The following BIRC6 variants were observed in gnomAD, a reference collection of about 807,000 sequenced individuals.
The protein encoded by BIRC6 is dual E2 ubiquitin-conjugating enzyme/E3 ubiquitin-protein ligase BIRC6.
BIRC6 carries 98 observed loss-of-function variants against 503.3 expected under a neutral mutation model. The ratio of observed to expected loss-of-function variants is 0.19; its 90% CI spans 0.17 to 0.23. The LOEUF is 0.23. Among genes scored for constraint, BIRC6 ranks in the 10% least tolerant of loss-of-function variants. The pLI, the probability that BIRC6 is intolerant of heterozygous loss-of-function variation, is 1.00. For synonymous variants in BIRC6, 2,240 were observed against 2,078.7 expected (o/e 1.08, Z -2.11); for missense variants, 5,360 against 5,806.0 (o/e 0.92, Z 2.50).
chr2:32,508,062 C>G lies in BIRC6; in HGVS notation c.9783C>G (p.Gly3261=), dbSNP rs1572694974. The stretch of plus-strand genomic sequence containing the variant: ...TGTCCACTCCTGTTGTCACAAGTGG[C>G]CTCACCTACATAAAAATTCAGCTTG... The part of the protein sequence containing the change: ...LPLSTPVVTS[G]LTYIKIQLVK... Residue 3261 remains glycine (G), a synonymous_variant, in exon 51 of 74, where the codon GGC becomes GGG. Coordinates refer to ENST00000421745, the MANE Select transcript of BIRC6 (RefSeq NM_016252.4). 1 of 1,613,822 alleles carries G rather than the reference C, an allele frequency of 6.2e-7. No homozygotes were observed. Among genetic ancestry groups the G allele is most frequent in the East Asian group, 2.2e-5 (1 of 44,864 alleles).
intron 32 of BIRC6, 56 bp downstream of exon 32, chr2:32,471,180 T>G: frequency 1.3e-6 from 2 of 1,539,574 alleles, no homozygotes; most frequent in Non-Finnish European, 8.8e-7. Flanking sequence ...AATATGTTGG[T>G]GGGGATTTTG....
At chr2:32,443,619 T>A in intron 20 of BIRC6, 31 bp downstream of exon 20, 1 of 1,456,412 alleles carries the variant, frequency 6.9e-7, no homozygotes, top group Middle Eastern at 2.0e-4. Flanking sequence ...CACAAATAGT[T>A]ATAGTCATAT....
intron 49 of BIRC6, among the ~76,000 whole-genome samples, chr2:32,503,682 A>T (rs951873554): frequency 1.3e-5 from 2 of 151,810 alleles, no homozygotes; most frequent in Non-Finnish European, 2.9e-5. Context: ...TCGGCCTCCC[A>T]AAGTGCTGGG....
intron 6 of BIRC6, among the ~76,000 whole-genome samples, chr2:32,397,237 G>A (rs907077725): frequency 2.6e-5 from 4 of 151,802 alleles, no homozygotes; most frequent in South Asian, 4.2e-4. Context: ...TTGGGAGGCC[G>A]AGGCGGGTGG....
intron 66 of BIRC6, among the ~76,000 whole-genome samples, chr2:32,590,207 C>T (rs534665117): frequency 1.3e-5 from 2 of 152,158 alleles, no homozygotes; most frequent in African/African-American, 2.4e-5. Context: ...ACTATAATTA[C>T]TGTCAAAGAG....
chr2:32,566,135 C>G (rs1467937932), intron 65 of BIRC6: 1 of 152,076 alleles, frequency 6.6e-6, no homozygotes, highest in Non-Finnish European at 1.5e-5. Flanking sequence ...ACCTTACTGT[C>G]CTATCCCCAC....
intron 65 of BIRC6, among the ~76,000 whole-genome samples, chr2:32,569,481 G>T (rs1422777802): frequency 6.6e-6 from 1 of 152,170 alleles, no homozygotes; most frequent in Non-Finnish European, 1.5e-5. Flanking sequence ...TGATTCTCCT[G>T]CCTCAGCTTC....
intron 6 of BIRC6, among the ~76,000 whole-genome samples, chr2:32,400,573 A>G (rs550425648): frequency 2.3e-4 from 35 of 152,088 alleles, no homozygotes; most frequent in Non-Finnish European, 5.0e-4. Context: ...TCCTGACCTC[A>G]TGATCCACCC....
intron 68 of BIRC6, 35 bp downstream of exon 68, chr2:32,595,179 C>A (rs550641308): frequency 3.7e-6 from 5 of 1,366,434 alleles, no homozygotes; most frequent in Non-Finnish European, 5.1e-6. Flanking sequence ...TAAGATCTCA[C>A]TTTCCATTTT....
chr2:32,586,077 T>G (rs1016600752), intron 66 of BIRC6, among the ~76,000 whole-genome samples: 1 of 152,168 alleles, frequency 6.6e-6, no homozygotes, highest in Non-Finnish European at 1.5e-5. Flanking sequence ...ATAGTTTGAT[T>G]GACCCATAGT....
intron 21 of BIRC6, among the ~76,000 whole-genome samples, chr2:32,446,738 GTTTTTTTT>G (rs58232090): frequency 9.8e-4 from 34 of 34,852 alleles, no homozygotes; most frequent in East Asian, 8.1e-3. Flanking sequence ...CCTCTGCGCT[GTTTTTTTT>G]TTTTTTTTTT....
At chr2:32,482,349 T>G in intron 38 of BIRC6, 80 bp from the exon 39 acceptor site, 3 of 1,341,958 alleles carry the variant, frequency 2.2e-6, no homozygotes, top group Non-Finnish European at 3.1e-6. Context: ...GTAGTTCTGT[T>G]TGGGTTTAGA....
chr2:32,461,049 T>C (rs1233685392), intron 23 of BIRC6, among the ~76,000 whole-genome samples: 6,608 of 77,562 alleles, frequency 0.085, 1,156 homozygotes, highest in Non-Finnish European at 0.14. Context: ...TCTCTTCTCT[T>C]CTCTTCTCTT....
At chr2:32,436,886 C>CTT (rs35067044) in intron 15 of BIRC6, among the ~76,000 whole-genome samples, 2 of 90,068 alleles carry the variant, frequency 2.2e-5, no homozygotes, top group Admixed American at 1.3e-4. Context: ...TTTGTTTTTT[C>CTT]TTTTTTTTTT....
Position 32,518,326 on chromosome 2 carries a change from A to G in BIRC6, c.11422A>G (p.Ile3808Val). 3 of 1,611,028 alleles carry G rather than the reference A, an allele frequency of 1.9e-6. No homozygotes were observed. Among genetic ancestry groups the G allele is most frequent in the South Asian group, 2.2e-5 (2 of 90,062 alleles). Reference protein sequence around the residue: ...LPTSGNISGFIRRLFLQLMLE... With the variant: ...LPTSGNISGFVRRLFLQLMLE... ...AACATCTGGGAACATTTCAGGGTTTATACGAAGATTATTTTTACAGTTGAT... is the reference window on the plus strand; with the variant it reads ...AACATCTGGGAACATTTCAGGGTTTGTACGAAGATTATTTTTACAGTTGAT... Residue 3808 changes from isoleucine (I) to valine (V), a missense_variant, in exon 56 of 74, where the codon ATA (isoleucine) becomes GTA (valine). Ile to Val is a conservative substitution (Grantham distance 29). Around this residue, in one of 16 missense-constraint regions of BIRC6, gnomAD observed 878 missense variants for 928.9 expected, o/e 0.95. Coordinates refer to ENST00000421745, the MANE Select transcript of BIRC6 (RefSeq NM_016252.4).
intron 39 of BIRC6, among the ~76,000 whole-genome samples, chr2:32,483,522 T>G (rs1572539565): frequency 6.6e-6 from 1 of 152,236 alleles, no homozygotes; most frequent in East Asian, 1.9e-4. Flanking sequence ...ACGTTACTGC[T>G]GTCAAATACT....
chr2:32,481,232 A>T, intron 37 of BIRC6, 88 bp from the exon 38 acceptor site: 1 of 1,237,250 alleles, frequency 8.1e-7, no homozygotes, highest in Non-Finnish European at 1.1e-6. Flanking sequence ...ACATGCAAGT[A>T]AAATAACTTT....
At chr2:32,565,734 G>A (rs1210380848) in intron 65 of BIRC6, 1 of 152,220 alleles carries the variant, frequency 6.6e-6, no homozygotes, top group African/African-American at 2.4e-5. Context: ...CTGCAGGGCT[G>A]GGGAGGCCTC....
intron 57 of BIRC6, among the ~76,000 whole-genome samples, chr2:32,521,392 A>AC (rs2055666263): frequency 6.8e-6 from 1 of 148,064 alleles, no homozygotes; most frequent in African/African-American, 2.5e-5. Context: ...AAAAAAAAAA[A>AC]AGCAAAGACA....
Sources: gnomAD v4.1 joint callset for allele counts (sites outside exome capture counted in the v4.1 genomes callset) on GRCh38, gnomAD v4.1.1 for gene constraint, gnomAD v4.1.1 regional missense constraint, MANE v1.5 for transcripts, NCBI Gene and HGNC (gene_info 2026-07-23, HGNC 2026-07-21) for gene names.